LRGUK: variants seen among roughly 807,000 people sequenced by gnomAD.
LRGUK encodes leucine rich repeats and guanylate kinase domain containing.
A neutral mutation model predicts 76.0 loss-of-function variants in LRGUK; 65 were observed. The observed-to-expected ratio is 0.85, with a 90% CI of 0.70 to 1.05. LRGUK has a LOEUF of 1.05. Among genes scored for constraint, LRGUK ranks in the 50% least tolerant of loss-of-function variants. LRGUK has a pLI of 0.00. For missense variants in LRGUK, 758 were observed against 732.8 expected (o/e 1.03, Z -0.40); for synonymous variants, 268 against 265.6 (o/e 1.01, Z -0.09).
At chr7:134,148,118 C>A in intron 4 of LRGUK, 120 bp from the exon 5 acceptor site, 11 of 564,078 alleles carry the variant, frequency 2.0e-5, no homozygotes, top group Non-Finnish European at 2.5e-5. Flanking sequence ...TTAGTGTGTA[C>A]TTTCAGTAAT....
At chr7:134,161,753 C>T (rs1335660443) in intron 6 of LRGUK, among the ~76,000 whole-genome samples, 3 of 147,538 alleles carry the variant, frequency 2.0e-5, no homozygotes, top group South Asian at 2.1e-4. Context: ...TGCAGTGGCA[C>T]GATCTGGGCT....
At chr7:134,222,064 T>C in intron 16 of LRGUK, 146 bp downstream of exon 16, 1 of 710,294 alleles carries the variant, frequency 1.4e-6, no homozygotes, top group Non-Finnish European at 2.0e-6. Context: ...TGACTCTTTG[T>C]ACATCCCTGA....
At chr7:134,239,867 T>C (rs144916051) in intron 16 of LRGUK, among the ~76,000 whole-genome samples, 11,005 of 152,214 alleles carry the variant, frequency 0.072, 972 homozygotes, top group African/African-American at 0.2. Context: ...GAGGAAGGAT[T>C]AGGCAGCAAC....
chr7:134,222,579 A>C (rs917397171), intron 16 of LRGUK, among the ~76,000 whole-genome samples: 1 of 150,868 alleles, frequency 6.6e-6, no homozygotes, highest in Admixed American at 6.6e-5. Flanking sequence ...CCTTAAGGCT[A>C]GCCTGTTTTT....
At chr7:134,219,770 T>C in intron 15 of LRGUK, among the ~76,000 whole-genome samples, 1 of 152,130 alleles carries the variant, frequency 6.6e-6, no homozygotes, top group African/African-American at 2.4e-5. Context: ...TGAAGTTATA[T>C]TAAGGATACA....
intron 7 of LRGUK, among the ~76,000 whole-genome samples, chr7:134,172,538 T>G (rs1799299389): frequency 6.6e-6 from 1 of 152,114 alleles, no homozygotes; most frequent in Admixed American, 6.5e-5. Flanking sequence ...ATGAAACAAG[T>G]GAAATACATC....
At chr7:134,152,974 A>T (rs1274449396) in intron 5 of LRGUK, among the ~76,000 whole-genome samples, 1 of 152,104 alleles carries the variant, frequency 6.6e-6, no homozygotes, top group Non-Finnish European at 1.5e-5. Context: ...GAAAGAGACA[A>T]CTGAGCATAG....
chr7:134,182,493 G>A (rs939473644), intron 10 of LRGUK, among the ~76,000 whole-genome samples: 4 of 152,058 alleles, frequency 2.6e-5, no homozygotes, highest in African/African-American at 9.7e-5. Flanking sequence ...GGCTCTTGGC[G>A]ATACTGTTTC....
chr7:134,244,937 C>T (rs563263121), intron 16 of LRGUK, among the ~76,000 whole-genome samples: 2 of 145,756 alleles, frequency 1.4e-5, no homozygotes, highest in South Asian at 2.2e-4. Context: ...TCATTCTGAG[C>T]AAACTATCGC....
At chr7:134,186,813 A>G (rs1407174728) in intron 11 of LRGUK, among the ~76,000 whole-genome samples, 1 of 152,218 alleles carries the variant, frequency 6.6e-6, no homozygotes, top group Non-Finnish European at 1.5e-5. Flanking sequence ...TGGAGGCACA[A>G]GATGGCAAAA....
At chr7:134,244,183 A>G (rs1303447494) in intron 16 of LRGUK, among the ~76,000 whole-genome samples, 1 of 152,246 alleles carries the variant, frequency 6.6e-6, no homozygotes, top group African/African-American at 2.4e-5. Context: ...AATGGCAACA[A>G]AAGCCAAAAT....
exon 15 of LRGUK, chr7:134,201,485 T>G (rs1227210657): frequency 2.5e-6 from 4 of 1,613,282 alleles, no homozygotes; most frequent in Non-Finnish European, 2.5e-6. Flanking sequence ...CTGCAGATGA[T>G]CTGGATGTTG....
chr7:134,194,509 AG>A (rs1800401148), intron 12 of LRGUK, among the ~76,000 whole-genome samples: 1 of 152,140 alleles, frequency 6.6e-6, no homozygotes, highest in South Asian at 2.1e-4. Flanking sequence ...TGGGAGGCTG[AG>A]GTGGGAGGAT....
At chr7:134,213,647 A>T (rs1801354695), downstream of LRGUK, among the ~76,000 whole-genome samples, 1 of 152,182 alleles carries the variant, frequency 6.6e-6, no homozygotes, top group Non-Finnish European at 1.5e-5. Context: ...GCGATAAGCC[A>T]AATTTTTTTT....
chr7:134,134,561 C>T (rs892553437), intron 1 of LRGUK, among the ~76,000 whole-genome samples: 6 of 152,078 alleles, frequency 3.9e-5, no homozygotes, highest in Non-Finnish European at 8.8e-5. Flanking sequence ...ATGGGGACAG[C>T]GTGGCTCATC....
intron 5 of LRGUK, among the ~76,000 whole-genome samples, chr7:134,156,481 A>T (rs1190698826): frequency 6.6e-6 from 1 of 152,220 alleles, no homozygotes; most frequent in Non-Finnish European, 1.5e-5. Context: ...TTAAAAAAAT[A>T]AGAAAAAAGT....
At chr7:134,184,079 A>G (rs554261342) in intron 11 of LRGUK, among the ~76,000 whole-genome samples, 5 of 152,180 alleles carry the variant, frequency 3.3e-5, no homozygotes, top group Non-Finnish European at 7.3e-5. Context: ...AGGACAGAGC[A>G]CCATGTGAGT....
intron 1 of LRGUK, among the ~76,000 whole-genome samples, chr7:134,136,602 T>C (rs1269630285): frequency 6.6e-6 from 1 of 152,188 alleles, no homozygotes; most frequent in Non-Finnish European, 1.5e-5. Flanking sequence ...CCTCCAAACG[T>C]TAATTCTTTT....
chr7:134,139,164 T>G (rs1797659318), intron 2 of LRGUK, among the ~76,000 whole-genome samples: 1 of 152,238 alleles, frequency 6.6e-6, no homozygotes, highest in African/African-American at 2.4e-5. Flanking sequence ...ACGGTCTCCA[T>G]GAACACTGCT....
Sources: gnomAD v4.1 joint callset for allele counts (sites outside exome capture counted in the v4.1 genomes callset) on GRCh38, gnomAD v4.1.1 for gene constraint, MANE v1.5 for transcripts, NCBI Gene and HGNC (gene_info 2026-07-23, HGNC 2026-07-21) for gene names.